The following TASP1 variants were observed in gnomAD, a reference collection of about 807,000 sequenced individuals.
The protein encoded by TASP1 is threonine aspartase 1.
In TASP1, 16 loss-of-function variants were observed where a neutral mutation model predicts 56.6. The ratio of observed to expected loss-of-function variants is 0.28; its 90% CI spans 0.19 to 0.43. TASP1 has a LOEUF of 0.43. Among genes scored for constraint, TASP1 ranks in the 20% least tolerant of loss-of-function variants. TASP1 has a pLI of 1.00. For synonymous variants in TASP1, 179 were observed against 184.2 expected (o/e 0.97, Z 0.23); for missense variants, 393 against 511.6 (o/e 0.77, Z 2.24).
chr20:13,154,748 A>G, the TASP1 span, among the ~76,000 whole-genome samples: 1 of 152,194 alleles, frequency 6.6e-6, no homozygotes, highest in African/African-American at 2.4e-5. Context: ...CTTGATTGCA[A>G]CTTTGAAACA....
chr20:13,628,277 C>T (rs1228763035), intron 2 of TASP1, among the ~76,000 whole-genome samples: 2 of 152,128 alleles, frequency 1.3e-5, no homozygotes, highest in Non-Finnish European at 2.9e-5. Context: ...TATGTTATTG[C>T]TTGTTACAAC....
At chr20:13,332,766 G>A in the TASP1 span, among the ~76,000 whole-genome samples, 1 of 152,222 alleles carries the variant, frequency 6.6e-6, no homozygotes, top group Non-Finnish European at 1.5e-5. Flanking sequence ...CATAGGCTAT[G>A]ATAAGGTTTT....
intron 4 of TASP1, among the ~76,000 whole-genome samples, chr20:13,606,806 C>CA (rs71334137): frequency 0.26 from 19,230 of 74,350 alleles, 1,905 homozygotes; most frequent in South Asian, 0.43. Flanking sequence ...GACTCCGTCT[C>CA]AAAAAAAAAA....
At chr20:13,342,457 C>T in the TASP1 span, among the ~76,000 whole-genome samples, 7 of 152,124 alleles carry the variant, frequency 4.6e-5, no homozygotes, top group South Asian at 6.2e-4. Flanking sequence ...GTGGGGACAG[C>T]GGCAGCAGAG....
chr20:13,333,180 C>T, the TASP1 span, among the ~76,000 whole-genome samples: 13,820 of 152,230 alleles, frequency 0.091, 1,360 homozygotes, highest in African/African-American at 0.25. Flanking sequence ...GCCCATGCAG[C>T]CAGCCTGGCA....
chr20:13,403,031 C>T (rs1479661423), intron 13 of TASP1, among the ~76,000 whole-genome samples: 3 of 152,188 alleles, frequency 2.0e-5, no homozygotes, highest in Non-Finnish European at 4.4e-5. Context: ...AGTTGTGGCG[C>T]TGTCAAAGTG....
chr20:13,229,410 A>G, the TASP1 span, among the ~76,000 whole-genome samples: 1 of 152,172 alleles, frequency 6.6e-6, no homozygotes, highest in Non-Finnish European at 1.5e-5. Context: ...TTTCACATAA[A>G]TGGAAATGTA....
intron 10 of TASP1, among the ~76,000 whole-genome samples, chr20:13,494,559 T>C (rs1359936243): frequency 6.6e-6 from 1 of 152,148 alleles, no homozygotes; most frequent in Non-Finnish European, 1.5e-5. Flanking sequence ...TTTAGAATTA[T>C]CTTGCAAGGA....
the TASP1 span, among the ~76,000 whole-genome samples, chr20:13,341,215 A>G: frequency 6.6e-6 from 1 of 152,260 alleles, no homozygotes; most frequent in South Asian, 2.1e-4. Flanking sequence ...TCGTGGTAGC[A>G]GAGAATAAGC....
chr20:13,557,010 T>C (rs79511139), intron 8 of TASP1, among the ~76,000 whole-genome samples: 2,567 of 152,330 alleles, frequency 0.017, 72 homozygotes, highest in African/African-American at 0.056. Context: ...TCACCATTAT[T>C]TTCTTACTAC....
chr20:13,345,811 T>C, the TASP1 span, among the ~76,000 whole-genome samples: 3 of 150,546 alleles, frequency 2.0e-5, no homozygotes, highest in South Asian at 2.1e-4. Flanking sequence ...GGGGGGCAGC[T>C]GAGGATGGTG....
the TASP1 span, among the ~76,000 whole-genome samples, chr20:13,207,961 G>A: frequency 4.6e-5 from 7 of 151,922 alleles, no homozygotes; most frequent in African/African-American, 1.7e-4. Context: ...CAAGGCAGAA[G>A]TGAGAAATCT....
chr20:13,486,187 T>C (rs978001489), intron 10 of TASP1, among the ~76,000 whole-genome samples: 6 of 152,168 alleles, frequency 3.9e-5, no homozygotes, highest in Non-Finnish European at 8.8e-5. Context: ...TATGCTGCCA[T>C]AGAGCTGAAG....
chr20:13,483,123 T>C lies in TASP1; in HGVS notation c.985+104A>G, dbSNP rs185103988. 1.2e-5 allele frequency: 9 copies of C among 777,382 alleles called. No homozygotes were observed. The Admixed American group carries it at 2.0e-4, about 17-fold the overall frequency. The allele number at this position is 777,382 out of a possible 1,614,324, so 48.2% of individuals were successfully genotyped here. On this transcript the variant is annotated intron_variant, in intron 11 of 13. Transcript: ENST00000337743. Reference sequence around the variant, plus strand: ...GTGGTTCTTTTCCTCTGCTAGACCCTAGAGGTAGGTCTAGAAATACAAATG... The same window carrying C: ...GTGGTTCTTTTCCTCTGCTAGACCCCAGAGGTAGGTCTAGAAATACAAATG...
chr20:13,158,523 G>T, the TASP1 span, among the ~76,000 whole-genome samples: 1 of 152,160 alleles, frequency 6.6e-6, no homozygotes, highest in Admixed American at 6.5e-5. Flanking sequence ...CAGGTGGTTT[G>T]TACTCTAGCA....
At chr20:13,398,567 T>C (rs1024271114) in intron 13 of TASP1, among the ~76,000 whole-genome samples, 2 of 152,348 alleles carry the variant, frequency 1.3e-5, no homozygotes, top group Admixed American at 1.3e-4. Context: ...CTTCCTTTAA[T>C]ACTAGCTGTA....
At chr20:13,323,899 T>C in the TASP1 span, among the ~76,000 whole-genome samples, 1 of 152,212 alleles carries the variant, frequency 6.6e-6, no homozygotes, top group South Asian at 2.1e-4. Flanking sequence ...ACCAAAAAAA[T>C]TGTTAATAGC....
At chr20:13,108,554 T>C in the TASP1 span, among the ~76,000 whole-genome samples, 773 of 152,300 alleles carry the variant, frequency 5.1e-3, 4 homozygotes, top group African/African-American at 0.018. Flanking sequence ...AAACCAGTAC[T>C]GACTATGCAG....
At chr20:13,489,860 C>T (rs1032858976) in intron 10 of TASP1, among the ~76,000 whole-genome samples, 4 of 152,182 alleles carry the variant, frequency 2.6e-5, no homozygotes, top group Non-Finnish European at 2.9e-5. Flanking sequence ...AGCTCCAGAA[C>T]TTTTTCATAT....
Sources: gnomAD v4.1 joint callset for allele counts (sites outside exome capture counted in the v4.1 genomes callset) on GRCh38, gnomAD v4.1.1 for gene constraint, MANE v1.5 for transcripts, NCBI Gene and HGNC (gene_info 2026-07-23, HGNC 2026-07-21) for gene names.